AGMO: variants seen among roughly 807,000 people sequenced by gnomAD.
AGMO encodes glyceryl-ether monooxygenase.
AGMO carries 75 observed loss-of-function variants against 60.2 expected under a neutral mutation model. The observed-to-expected ratio is 1.25, with a 90% CI of 1.03 to 1.51. The LOEUF (loss-of-function observed/expected upper bound fraction) is 1.51. AGMO is among the 40% of genes most tolerant of loss of function. The pLI is 0.00. For missense variants in AGMO, 763 were observed against 525.5 expected (o/e 1.45, Z -4.42); for synonymous variants, 261 against 177.1 (o/e 1.47, Z -3.76).
At chr7:15,376,484 G>C (rs184834689) in intron 10 of AGMO, among the ~76,000 whole-genome samples, 1 of 152,044 alleles carries the variant, frequency 6.6e-6, no homozygotes, top group East Asian at 1.9e-4. Flanking sequence ...GCATTCAGGG[G>C]AATTAAAAAC....
At chr7:15,561,095 A>C (rs555316582) in intron 1 of AGMO, among the ~76,000 whole-genome samples, 3 of 152,250 alleles carry the variant, frequency 2.0e-5, no homozygotes, top group African/African-American at 7.2e-5. Flanking sequence ...TTCTGCCATG[A>C]ACTAGTGAGT....
At chr7:15,364,440 C>CG (rs1327013843) in intron 12 of AGMO, among the ~76,000 whole-genome samples, 1 of 151,904 alleles carries the variant, frequency 6.6e-6, no homozygotes, top group Non-Finnish European at 1.5e-5. Context: ...CTTATTGGTA[C>CG]TAAAGGGTTT....
chr7:15,470,142 G>A (rs560741163), intron 3 of AGMO, among the ~76,000 whole-genome samples: 9 of 152,060 alleles, frequency 5.9e-5, no homozygotes, highest in African/African-American at 1.9e-4. Flanking sequence ...AAGGCAGATG[G>A]ATATTCAAGA....
intron 3 of AGMO, among the ~76,000 whole-genome samples, chr7:15,471,539 C>T (rs999680983): frequency 6.6e-6 from 1 of 151,780 alleles, no homozygotes; most frequent in Non-Finnish European, 1.5e-5. Context: ...AATCTGTATT[C>T]TTGAATATTG....
chr7:15,523,839 T>C (rs1398599575), intron 3 of AGMO, among the ~76,000 whole-genome samples: 1 of 151,900 alleles, frequency 6.6e-6, no homozygotes, highest in Non-Finnish European at 1.5e-5. Flanking sequence ...ATAATAATAA[T>C]AAAAAAGACA....
At chr7:15,368,088 A>C (rs1188981851) in intron 10 of AGMO, among the ~76,000 whole-genome samples, 3 of 152,028 alleles carry the variant, frequency 2.0e-5, no homozygotes, top group Non-Finnish European at 2.9e-5. Context: ...CTTTAGTGGA[A>C]GAGTATTGCT....
chr7:15,334,663 A>C (rs180718536), intron 12 of AGMO, among the ~76,000 whole-genome samples: 30 of 152,270 alleles, frequency 2.0e-4, no homozygotes, highest in Admixed American at 1.4e-3. Flanking sequence ...TCACTTGCGG[A>C]TATCCCGCCA....
chr7:15,473,327 G>A lies in AGMO; in HGVS notation c.410-42219C>T, dbSNP rs141036588. 4.0e-4 allele frequency among the ~76,000 whole-genome samples: 61 copies of A among 151,996 alleles called. No homozygotes were observed. The East Asian group carries it at 9.7e-3, about 24-fold the overall frequency. ...TGAATTCTACTAGAGGTACAAAGAC[G>A]AGCTGGTACCATTCCATCTAAAACT... On this transcript the variant is annotated intron_variant, in intron 3 of 12. Coordinates refer to ENST00000342526, the MANE Select transcript of AGMO (RefSeq NM_001004320.2).
intron 12 of AGMO, among the ~76,000 whole-genome samples, chr7:15,354,084 T>C (rs1167628170): frequency 3.3e-5 from 5 of 151,944 alleles, no homozygotes; most frequent in Non-Finnish European, 7.4e-5. Context: ...AAGTATTTTG[T>C]TGTTCATGGA....
At chr7:15,160,579 T>G in the AGMO span, among the ~76,000 whole-genome samples, 1 of 152,228 alleles carries the variant, frequency 6.6e-6, no homozygotes, top group Non-Finnish European at 1.5e-5. Flanking sequence ...TAACAAAACT[T>G]AAAAGGATAT....
chr7:15,226,367 A>G (rs1337663768), intron 12 of AGMO, among the ~76,000 whole-genome samples: 1 of 152,134 alleles, frequency 6.6e-6, no homozygotes, highest in Non-Finnish European at 1.5e-5. Flanking sequence ...ATGACCTTAG[A>G]AAAGTCAGTT....
intron 2 of AGMO, among the ~76,000 whole-genome samples, chr7:15,551,493 CA>C (rs1784959340): frequency 6.7e-6 from 1 of 148,860 alleles, no homozygotes; most frequent in African/African-American, 2.5e-5. Flanking sequence ...AATCAATGTG[CA>C]AAAATCACAA....
Position 15,423,990 on chromosome 7 carries a change from TC to T in AGMO, c.514-5338del, listed in dbSNP as rs1409777843. Reference sequence around the variant, plus strand: ...ACATGCCATACATTTTTATTGTTATTCCTAAAATGTATTATATTTTTCTATA... The same window carrying T: ...ACATGCCATACATTTTTATTGTTATTCTAAAATGTATTATATTTTTCTATA... On this transcript the variant is annotated intron_variant, in intron 4 of 12. Coordinates refer to ENST00000342526, the MANE Select transcript of AGMO (RefSeq NM_001004320.2). 3.9e-5 allele frequency among the ~76,000 whole-genome samples: 6 copies of T among 152,198 alleles called. No homozygotes were observed. In the South Asian group the frequency reaches 1.2e-3, roughly 31 times the overall value.
chr7:15,532,242 A>G (rs1204109820), intron 3 of AGMO, among the ~76,000 whole-genome samples: 1 of 152,210 alleles, frequency 6.6e-6, no homozygotes, highest in Non-Finnish European at 1.5e-5. Context: ...GATCTAAAAT[A>G]GATAGGATTG....
intron 12 of AGMO, among the ~76,000 whole-genome samples, chr7:15,352,659 C>G (rs866187044): frequency 1.3e-5 from 2 of 151,826 alleles, no homozygotes; most frequent in Middle Eastern, 3.2e-3. Flanking sequence ...AACCAGCTTA[C>G]AGGCAACAGC....
At chr7:15,193,288 T>A in the AGMO span, among the ~76,000 whole-genome samples, 1 of 152,330 alleles carries the variant, frequency 6.6e-6, no homozygotes, top group South Asian at 2.1e-4. Context: ...AACTCCAACA[T>A]ATGTCATAGC....
intron 12 of AGMO, among the ~76,000 whole-genome samples, chr7:15,325,000 A>T (rs1368716694): frequency 1.3e-5 from 2 of 152,114 alleles, no homozygotes; most frequent in Admixed American, 1.3e-4. Flanking sequence ...TTAAAAATTA[A>T]AAAAAAATTT....
chr7:15,370,886 T>TA (rs1236920972), intron 10 of AGMO, among the ~76,000 whole-genome samples: 1 of 152,204 alleles, frequency 6.6e-6, no homozygotes, highest in Admixed American at 6.6e-5. Flanking sequence ...AGAAGCTCTT[T>TA]ATTGTAACTA....
intron 12 of AGMO, among the ~76,000 whole-genome samples, chr7:15,268,034 T>G (rs909541582): frequency 1.3e-5 from 2 of 151,968 alleles, no homozygotes; most frequent in East Asian, 3.9e-4. Context: ...CAAACATAGG[T>G]TGCATGATAA....
Sources: allele counts gnomAD v4.1 joint callset (sites outside exome capture counted in the v4.1 genomes callset), GRCh38; gene constraint gnomAD v4.1.1; transcripts MANE v1.5; gene names NCBI Gene and HGNC (gene_info 2026-07-23, HGNC 2026-07-21).